Variants in EXOC6B observed in about 807,000 individuals in gnomAD.
EXOC6B encodes exocyst complex component 6B.
EXOC6B carries 54 observed loss-of-function variants against 113.5 expected under a neutral mutation model. The ratio of observed to expected loss-of-function variants is 0.48; its 90% CI spans 0.38 to 0.60. The LOEUF (loss-of-function observed/expected upper bound fraction) is 0.60. Ranked by LOEUF, EXOC6B falls within the 20% of genes least tolerant of loss-of-function variation. The pLI, the probability that EXOC6B is intolerant of heterozygous loss-of-function variation, is 0.00. For missense variants in EXOC6B, 797 were observed against 977.5 expected, an observed-to-expected ratio of 0.82 and a Z score of 2.46; for synonymous variants, 357 against 339.0, an observed-to-expected ratio of 1.05 and a Z score of -0.58.
rs540945128 is a variant in EXOC6B, at chr2:72,195,071, G to C, written c.2197-10884C>G. Among the ~76,000 whole-genome samples the C allele has an allele frequency of 2.6e-5, 4 of 152,230 alleles. No homozygotes were observed. In the South Asian group the frequency reaches 8.3e-4, roughly 32 times the overall value. On this transcript the variant is annotated intron_variant, in intron 20 of 21. Transcript: ENST00000272427. The stretch of plus-strand genomic sequence containing the variant: ...TTCCTCTGAAAGGGAACATCACCCT[G>C]AGAAATATTTATTTGCCGCATAAAT...
chr2:72,781,520 CACA>C (rs1684033862), intron 1 of EXOC6B, among the ~76,000 whole-genome samples: 1 of 152,134 alleles, frequency 6.6e-6, no homozygotes, highest in Non-Finnish European at 1.5e-5. Flanking sequence ...TGGCATCTAT[CACA>C]ACAATTCAAT....
At chr2:72,470,139 G>A (rs1698306510) in intron 17 of EXOC6B, among the ~76,000 whole-genome samples, 1 of 151,986 alleles carries the variant, frequency 6.6e-6, no homozygotes, top group Non-Finnish European at 1.5e-5. Context: ...CTTCGTTAGG[G>A]ATTGCATTGA....
chr2:72,266,892 A>G (rs948700395), intron 20 of EXOC6B, among the ~76,000 whole-genome samples: 4 of 152,148 alleles, frequency 2.6e-5, no homozygotes, highest in African/African-American at 7.2e-5. Context: ...CCATGAGCAT[A>G]GAATGTTCTT....
intron 20 of EXOC6B, among the ~76,000 whole-genome samples, chr2:72,310,928 G>GA (rs1687151326): frequency 6.7e-6 from 1 of 149,782 alleles, no homozygotes; most frequent in South Asian, 2.1e-4. Flanking sequence ...CAAGAGAAAA[G>GA]AAACAAGCAA....
At chr2:72,216,349 A>G (rs867104739) in intron 20 of EXOC6B, among the ~76,000 whole-genome samples, 2 of 152,268 alleles carry the variant, frequency 1.3e-5, no homozygotes, top group East Asian at 1.9e-4. Context: ...TAAAACCACA[A>G]TGATATACCA....
At chr2:72,671,765 A>G (rs1452240254) in intron 6 of EXOC6B, among the ~76,000 whole-genome samples, 64 of 49,460 alleles carry the variant, frequency 1.3e-3, no homozygotes, top group African/African-American at 4.9e-3. Flanking sequence ...GAAAGAAAGA[A>G]AGAAAGAAAG....
intron 11 of EXOC6B, among the ~76,000 whole-genome samples, chr2:72,508,184 A>AACAC (rs1553430339): frequency 1.1e-5 from 1 of 89,106 alleles, no homozygotes; most frequent in African/African-American, 6.7e-5. Flanking sequence ...AAAAAAAAAA[A>AACAC]ACACCTAAAA....
chr2:72,542,624 AT>A (rs948584059), intron 8 of EXOC6B, among the ~76,000 whole-genome samples: 98 of 152,326 alleles, frequency 6.4e-4, no homozygotes, highest in African/African-American at 2.3e-3. Flanking sequence ...CAGCTATGGT[AT>A]TTGTTTCTGG....
At chr2:72,784,163 G>T (rs1329306030) in intron 1 of EXOC6B, among the ~76,000 whole-genome samples, 1 of 152,086 alleles carries the variant, frequency 6.6e-6, no homozygotes, top group Non-Finnish European at 1.5e-5. Flanking sequence ...TAAGTAGGTG[G>T]ATTTATTTCT....
intron 16 of EXOC6B, among the ~76,000 whole-genome samples, chr2:72,487,734 T>C (rs1221319998): frequency 1.3e-5 from 2 of 152,210 alleles, no homozygotes; most frequent in Admixed American, 6.5e-5. Context: ...TTTAATGTTT[T>C]CCCATGCTTA....
intron 18 of EXOC6B, among the ~76,000 whole-genome samples, chr2:72,419,934 AGTCGGCT>A: frequency 6.6e-6 from 1 of 152,250 alleles, no homozygotes; most frequent in African/African-American, 2.4e-5. Flanking sequence ...TGTGCATAAT[AGTCGGCT>A]TGAAGGTGTC....
chr2:72,280,493 G>T (rs917400566), intron 20 of EXOC6B, among the ~76,000 whole-genome samples: 1 of 152,126 alleles, frequency 6.6e-6, no homozygotes, highest in Non-Finnish European at 1.5e-5. Flanking sequence ...TAACTTCAGA[G>T]ATCATTTAAT....
chr2:72,646,449 T>G (rs1014383290), intron 6 of EXOC6B, among the ~76,000 whole-genome samples: 5 of 152,032 alleles, frequency 3.3e-5, no homozygotes, highest in East Asian at 1.9e-4. Context: ...TAACTCATTT[T>G]ATGAGGCCAG....
At chr2:72,243,339 A>T (rs564162656) in intron 20 of EXOC6B, among the ~76,000 whole-genome samples, 1 of 152,228 alleles carries the variant, frequency 6.6e-6, no homozygotes, top group Non-Finnish European at 1.5e-5. Context: ...ACTTGGAACC[A>T]ACCCAAATAT....
intron 18 of EXOC6B, among the ~76,000 whole-genome samples, chr2:72,396,990 T>C (rs1047369271): frequency 6.6e-6 from 1 of 150,920 alleles, no homozygotes; most frequent in Non-Finnish European, 1.5e-5. Flanking sequence ...AAAAAAAACA[T>C]ATTTTCAAAA....
intron 18 of EXOC6B, among the ~76,000 whole-genome samples, chr2:72,401,707 C>G (rs1693345695): frequency 8.4e-6 from 1 of 119,486 alleles, no homozygotes; most frequent in Non-Finnish European, 1.7e-5. Context: ...GAAATCATGT[C>G]TTTTCCAGCA....
At chr2:72,484,397 A>C (rs1699297126) in intron 16 of EXOC6B, among the ~76,000 whole-genome samples, 1 of 145,206 alleles carries the variant, frequency 6.9e-6, no homozygotes, top group Admixed American at 6.8e-5. Context: ...TCTCTACTAA[A>C]AATACAAAAA....
At chr2:72,404,256 C>G (rs1455344737) in intron 18 of EXOC6B, among the ~76,000 whole-genome samples, 1 of 152,220 alleles carries the variant, frequency 6.6e-6, no homozygotes, top group African/African-American at 2.4e-5. Context: ...GGAGGCCTGC[C>G]TGCCTCTGTA....
intron 16 of EXOC6B, among the ~76,000 whole-genome samples, chr2:72,488,415 C>T (rs1005033152): frequency 3.3e-5 from 5 of 152,006 alleles, no homozygotes; most frequent in African/African-American, 1.2e-4. Context: ...CAATTTTTAT[C>T]CCCTGGCCAA....
Sources: allele counts gnomAD v4.1 joint callset (sites outside exome capture counted in the v4.1 genomes callset), GRCh38; gene constraint gnomAD v4.1.1; transcripts MANE v1.5; gene names NCBI Gene and HGNC (gene_info 2026-07-23, HGNC 2026-07-21).